Variants in KIFC2 observed in about 807,000 individuals in gnomAD.
KIFC2 encodes kinesin-like protein KIFC2.
A neutral mutation model predicts 91.5 loss-of-function variants in KIFC2; 94 were observed. That is an observed-to-expected ratio of 1.03 (90% CI 0.87 to 1.22). KIFC2 has a LOEUF of 1.22. Ranked by LOEUF, KIFC2 falls within the 50% of genes most tolerant of loss-of-function variation. KIFC2 has a pLI of 0.00. For missense variants in KIFC2, 1,357 were observed against 1,103.3 expected (o/e 1.23, Z -3.26); for synonymous variants, 729 against 503.9 (o/e 1.45, Z -5.98).
intron 12 of KIFC2, among the ~76,000 whole-genome samples, chr8:144,471,299 C>CTA (rs1824913785): frequency 6.6e-6 from 1 of 150,962 alleles, no homozygotes; most frequent in African/African-American, 2.4e-5. Context: ...AAATTTTTTA[C>CTA]TACATATATA....
Position 144,473,823 on chromosome 8 carries a change from A to G in KIFC2, c.*434A>G. Reference sequence around the variant, plus strand: ...TACTCCCTAACCCGTTTCCCGAAAAAGGTGCTACCTCCTTTCCAGACAGAT... The same window carrying G: ...TACTCCCTAACCCGTTTCCCGAAAAGGGTGCTACCTCCTTTCCAGACAGAT... On this transcript the variant is annotated 3_prime_UTR_variant, in exon 18 of 18. Coordinates refer to ENST00000645548, the MANE Select transcript of KIFC2 (RefSeq NM_001369769.2). 2 of 349,392 alleles carry G rather than the reference A, an allele frequency of 5.7e-6. No homozygotes were observed. The highest frequency in any genetic ancestry group is 6.3e-5 in the South Asian group (1 of 15,870). The allele number at this position is 349,392 out of a possible 1,614,324, so 21.6% of individuals were successfully genotyped here.
rs781347998 is a variant in KIFC2 at position 144,468,368 on chromosome 8, C to T, written c.850C>T (p.Gln284Ter). The T allele has an allele frequency of 6.2e-7, 1 of 1,612,958 alleles. No individual in the cohort carries two copies. The highest frequency in any genetic ancestry group is 2.2e-5 in the East Asian group (1 of 44,870). ...ATTGCTAGAGCTCCAGGGCCGGCTT[C>T]AGGAGGCCCAAGACACCACAGAAGC... Reference protein sequence around the residue: ...EALLELQGRLQEAQDTTEALR... With the variant: ...EALLELQGRL The change falls in exon 8 of 18, where the codon CAG (glutamine) becomes TAG (stop). Residue 284 changes from glutamine (Q) to a stop codon, truncating the protein, a stop_gained. Coordinates refer to ENST00000645548, the MANE Select transcript of KIFC2 (RefSeq NM_001369769.2). LOFTEE classifies it high-confidence loss of function.
At chr8:144,470,126 C>G (rs897704014) in intron 12 of KIFC2, among the ~76,000 whole-genome samples, 2 of 152,250 alleles carry the variant, frequency 1.3e-5, no homozygotes, top group African/African-American at 4.8e-5. Flanking sequence ...TGCTACAGCT[C>G]CCATAGCTAA....
At chr8:144,471,915 C>G (rs1244550887) in intron 12 of KIFC2, 27 bp from the exon 13 acceptor site, 11 of 1,607,634 alleles carry the variant, frequency 6.8e-6, no homozygotes, top group Non-Finnish European at 8.5e-6. Flanking sequence ...GGGGAGGACT[C>G]AAAACACATT....
At chr8:144,471,835 A>G in intron 12 of KIFC2, 107 bp from the exon 13 acceptor site, 1 of 920,910 alleles carries the variant, frequency 1.1e-6, no homozygotes, top group Admixed American at 1.8e-5. Context: ...CTCCCAGGAG[A>G]CTAGGCTCTG....
Position 144,473,227 on chromosome 8 carries a change from C to G in KIFC2, c.2214C>G (p.Arg738=). ...TGGAGCTGGGGCCAGCCCGGCGCCG[C>G]AGGGTCCCGCGCTCCTCCGGGACGC... The part of the protein sequence containing the change: ...GQVELGPARR[R]RVPRSSGTPS... Residue 738 remains arginine, a synonymous_variant, in exon 18 of 18, where the codon CGC becomes CGG. Coordinates refer to ENST00000645548, the MANE Select transcript of KIFC2 (RefSeq NM_001369769.2). 1 of 1,596,998 alleles carries G rather than the reference C, an allele frequency of 6.3e-7. No homozygotes were observed. The highest frequency in any genetic ancestry group is 1.1e-5 in the South Asian group (1 of 88,376).
chr8:144,468,355 CCAGGGCCGGCTT>C lies in KIFC2; in HGVS notation c.842_853del (p.Gly281_Gln284del), dbSNP rs1824776344. The C allele has an allele frequency of 2.5e-6, 4 of 1,612,616 alleles. 1 individual carries two copies. In the East Asian group the frequency reaches 8.9e-5, roughly 36 times the overall value. The stretch of plus-strand genomic sequence containing the variant: ...AGGAGGCAGAGGCATTGCTAGAGCT[CCAGGGCCGGCTT>C]CAGGAGGCCCAAGACACCACAGAAG... On this transcript the variant is annotated inframe_deletion, in exon 8 of 18. Transcript: ENST00000645548.
rs760647249 is a variant in KIFC2, at chr8:144,467,906, C to G, written c.729C>G (p.Asn243Lys). 1.2e-6 allele frequency: 2 copies of G among 1,612,760 alleles called. No homozygotes were observed. Among genetic ancestry groups the G allele is most frequent in the South Asian group, 1.1e-5 (1 of 91,030 alleles). ...GGGTTCAGCATCTGACTCTGGAGAA[C>G]GAGGCCCTGAAGCAGAGCCTGAGTC... The part of the protein sequence containing the change: ...EKRVQHLTLE[N>K]EALKQSLSLM... The change falls in exon 7 of 18, where the codon AAC (asparagine) becomes AAG (lysine). Residue 243 changes from asparagine to lysine, a missense_variant. Physicochemically the swap from Asn to Lys is moderately conservative, Grantham distance 94. Coordinates refer to ENST00000645548, the MANE Select transcript of KIFC2 (RefSeq NM_001369769.2).
chr8:144,473,427 G>A lies in KIFC2; in HGVS notation c.*38G>A. On this transcript the variant is annotated 3_prime_UTR_variant, in exon 18 of 18. Transcript: ENST00000645548. ...GCCCTGCCCATGGGGTCTCAGGCCA[G>A]GTCTCTGCTGGCAGAGGCGGTAGTA... is the stretch of plus-strand genomic sequence containing the variant. 4 of 1,551,414 alleles carry A rather than the reference G, an allele frequency of 2.6e-6. No homozygotes were observed. The highest frequency in any genetic ancestry group is 3.5e-6 in the Non-Finnish European group (4 of 1,154,032).
In KIFC2 at chr8:144,471,964, C is replaced by G; in HGVS notation, c.1403C>G (p.Ala468Gly). The change falls in exon 13 of 18, where the codon GCG (alanine) becomes GGG (glycine). Residue 468 changes from alanine (A) to glycine (G), a missense_variant. Transcript: ENST00000645548. ...CAGGTCTTCAGAGAGCTGGAACCTG[C>G]GGTGCTGTCCTGCCTCCGAGGCTAC... Reference protein sequence around the residue: ...QEEVFRELEPAVLSCLRGYSV... With the variant: ...QEEVFRELEPGVLSCLRGYSV... 1.9e-6 allele frequency: 3 copies of G among 1,613,372 alleles called. No individual in the cohort carries two copies. The highest frequency in any genetic ancestry group is 2.5e-6 in the Non-Finnish European group (3 of 1,180,008).
rs771817194 is a variant in KIFC2, at chr8:144,466,969, G to A, written c.189G>A (p.Glu63=). ...TELTGLAASS[E]PEDGSEGAAE... is the part of the protein sequence containing the mutation. ...CTCCCTGACCGGCAGCCAGCTCCGA[G>A]CCTGAGGATGGGTCGGAAGGCGCAG... The change falls in exon 3 of 18, where the codon GAG becomes GAA. Residue 63 remains glutamate (E), a synonymous_variant. Coordinates refer to ENST00000645548, the MANE Select transcript of KIFC2 (RefSeq NM_001369769.2). The A allele has an allele frequency of 3.6e-5, 58 of 1,594,904 alleles. No homozygotes were observed. The highest frequency in any genetic ancestry group is 4.4e-5 in the Non-Finnish European group (52 of 1,176,794).
At chr8:144,466,638 C>A in intron 1 of KIFC2, 120 bp downstream of exon 1, 3 of 953,720 alleles carry the variant, frequency 3.1e-6, no homozygotes, top group Admixed American at 4.1e-5. Context: ...CGAGGACCCT[C>A]GGCTCGGCCC....
chr8:144,466,899 C>T (rs1336691926), intron 2 of KIFC2, 60 bp from the exon 3 acceptor site: 7 of 1,549,958 alleles, frequency 4.5e-6, no homozygotes, highest in South Asian at 3.5e-5. Flanking sequence ...CAGGGAGGGG[C>T]GGAGGCCTGG....
Position 144,466,399 on chromosome 8 carries a change from C to A in KIFC2, c.-21C>A, listed in dbSNP as rs745953875. The A allele has an allele frequency of 8.8e-7, 1 of 1,136,740 alleles. No individual in the cohort carries two copies. The highest frequency in any genetic ancestry group is 2.2e-5 in the South Asian group (1 of 44,752). 70.4% of individuals were successfully genotyped at this position (1,136,740 alleles called of 1,614,324 possible). A position where few individuals can be genotyped will look rare whatever the true frequency, so the allele number is the denominator to read the frequency against. On this transcript the variant is annotated 5_prime_UTR_variant, in exon 1 of 18. Coordinates refer to ENST00000645548, the MANE Select transcript of KIFC2 (RefSeq NM_001369769.2). ...GACGCGGGGCGGCGCGAAGCGGGGCCCTCTGCCGCCCCGCGCTCCCATGTA... is the reference window on the plus strand; with the variant it reads ...GACGCGGGGCGGCGCGAAGCGGGGCACTCTGCCGCCCCGCGCTCCCATGTA...
At chr8:144,472,307 C>T (rs1824958487) in intron 14 of KIFC2, 48 bp downstream of exon 14, 1 of 1,613,478 alleles carries the variant, frequency 6.2e-7, no homozygotes, top group African/African-American at 1.3e-5. Flanking sequence ...TGGCCCAGGG[C>T]CCTTCCGGAT....
chr8:144,468,170 C>T lies in KIFC2; in HGVS notation c.811-159C>T, dbSNP rs1824764360. ...CGTGGCCCCTCTGAGTGGCTGACCC[C>T]AGGAGAGCAGAGGGACTGTGGGAAG... On this transcript the variant is annotated intron_variant, in intron 7 of 17. Transcript: ENST00000645548. 16 of 1,034,544 alleles carry T rather than the reference C, an allele frequency of 1.5e-5. No individual in the cohort carries two copies. In the South Asian group the frequency reaches 2.4e-4, roughly 16 times the overall value. 64.1% of individuals were successfully genotyped at this position (1,034,544 alleles called of 1,614,324 possible).
chr8:144,467,443 C>T (rs376879771), intron 4 of KIFC2, 42 bp from the exon 5 acceptor site: 34 of 1,541,490 alleles, frequency 2.2e-5, no homozygotes, highest in African/African-American at 2.8e-5. Context: ...AAGATTTGGA[C>T]TAGAGACCTC....
Position 144,468,316 on chromosome 8 carries a change from C to A in KIFC2, c.811-13C>A. 1 of 1,604,112 alleles carries A rather than the reference C, an allele frequency of 6.2e-7. No homozygotes were observed. Among genetic ancestry groups the A allele is most frequent in the South Asian group, 1.1e-5 (1 of 89,484 alleles). ...CCCTCTCTGAGTCCCTCCTGGCCCC[C>A]ACCCTCCCGCAGGAGGAGGCAGAGG... On this transcript the variant is annotated splice_polypyrimidine_tract_variant and intron_variant, in intron 7 of 17. Transcript: ENST00000645548.
Position 144,468,392 on chromosome 8 carries a change from G to C in KIFC2, c.874G>C (p.Ala292Pro). The change falls in exon 8 of 18, where the codon GCC becomes CCC. Residue 292 changes from alanine to proline, a missense_variant. Ala to Pro is a conservative substitution (Grantham distance 27). Transcript: ENST00000645548. ...RLQEAQDTTE[A>P]LRAQLGVQEV... ...TCAGGAGGCCCAAGACACCACAGAA[G>C]CCCTCCGAGCCCAGGTGGGCATGGG... The C allele has an allele frequency of 6.2e-7, 1 of 1,612,824 alleles. No individual in the cohort carries two copies. The highest frequency in any genetic ancestry group is 1.1e-5 in the South Asian group (1 of 90,978).
Sources: allele counts gnomAD v4.1 joint callset (sites outside exome capture counted in the v4.1 genomes callset), GRCh38; gene constraint gnomAD v4.1.1; transcripts MANE v1.5; gene names NCBI Gene and HGNC (gene_info 2026-07-23, HGNC 2026-07-21).